The following ROBO1 variants were observed in gnomAD, a reference collection of about 807,000 sequenced individuals.
The protein encoded by ROBO1 is roundabout homolog 1.
A neutral mutation model predicts 195.9 loss-of-function variants in ROBO1; 149 were observed. The ratio of observed to expected loss-of-function variants is 0.76; its 90% CI spans 0.67 to 0.87. ROBO1 has a LOEUF of 0.87. ROBO1 is among the 40% of genes least tolerant of loss of function. ROBO1 has a pLI of 0.00. For missense variants in ROBO1, 1,933 were observed against 2,068.3 expected (o/e 0.93, Z 1.27); for synonymous variants, 816 against 733.2 (o/e 1.11, Z -1.82).
chr3:78,900,662 G>A lies in ROBO1; in HGVS notation c.499+37939C>T, dbSNP rs118012347. 5.1e-4 allele frequency among the ~76,000 whole-genome samples: 77 copies of A among 151,920 alleles called. No homozygotes were observed. The East Asian group carries it at 0.012, about 24-fold the overall frequency. ...ATACTTGCTTAATGAGTGTATATGC[G>A]CTAATGCTCAACTGTGCAGATGTTC... On this transcript the variant is annotated intron_variant, in intron 4 of 30. Transcript: ENST00000464233.
chr3:78,653,758 G>T (rs899330296), intron 18 of ROBO1, among the ~76,000 whole-genome samples: 2 of 152,174 alleles, frequency 1.3e-5, no homozygotes, highest in African/African-American at 4.8e-5. Flanking sequence ...GCTGGACGCA[G>T]GTCAGATAAG....
At chr3:79,085,307 A>C (rs1238141804) in intron 3 of ROBO1, among the ~76,000 whole-genome samples, 1 of 152,146 alleles carries the variant, frequency 6.6e-6, no homozygotes, top group Non-Finnish European at 1.5e-5. Flanking sequence ...TGTTTAAGGC[A>C]TTTGCCCTGA....
chr3:78,629,945 T>G (rs1221506371), intron 25 of ROBO1, among the ~76,000 whole-genome samples: 1 of 152,160 alleles, frequency 6.6e-6, no homozygotes, highest in African/African-American at 2.4e-5. Context: ...TTTAGTGCCA[T>G]GTTTGTCGAA....
chr3:79,745,892 GA>G (rs1453674507), intron 1 of ROBO1, among the ~76,000 whole-genome samples: 2 of 151,690 alleles, frequency 1.3e-5, no homozygotes, highest in Non-Finnish European at 2.9e-5. Flanking sequence ...TCTTAATTAT[GA>G]ACCCCTGCTT....
At chr3:78,985,397 T>A (rs746669063) in intron 3 of ROBO1, among the ~76,000 whole-genome samples, 2 of 152,182 alleles carry the variant, frequency 1.3e-5, no homozygotes, top group African/African-American at 2.4e-5. Flanking sequence ...ATTCACTGTT[T>A]ATGTTATTGG....
At chr3:78,798,839 T>C (rs949430686) in intron 4 of ROBO1, among the ~76,000 whole-genome samples, 6 of 152,178 alleles carry the variant, frequency 3.9e-5, no homozygotes, top group African/African-American at 1.2e-4. Context: ...AAGCTATTCA[T>C]GGGAATTTAT....
intron 3 of ROBO1, among the ~76,000 whole-genome samples, chr3:78,941,760 G>T (rs2040157997): frequency 6.6e-6 from 1 of 152,122 alleles, no homozygotes; most frequent in African/African-American, 2.4e-5. Context: ...CTGAGTATAA[G>T]GTGCATTTCA....
intron 2 of ROBO1, among the ~76,000 whole-genome samples, chr3:79,545,709 C>A (rs941125496): frequency 6.6e-6 from 1 of 151,420 alleles, no homozygotes; most frequent in Non-Finnish European, 1.5e-5. Context: ...TAGGTTTTTT[C>A]TTTATTTTAG....
At chr3:79,149,776 G>C (rs1485653662) in intron 2 of ROBO1, among the ~76,000 whole-genome samples, 2 of 151,596 alleles carry the variant, frequency 1.3e-5, no homozygotes, top group African/African-American at 4.8e-5. Flanking sequence ...GGGCCAGAAG[G>C]GTCTGAAGTT....
At chr3:79,176,531 C>T (rs2081264347) in intron 2 of ROBO1, among the ~76,000 whole-genome samples, 1 of 152,314 alleles carries the variant, frequency 6.6e-6, no homozygotes, top group Middle Eastern at 3.4e-3. Context: ...GATCTCAGCT[C>T]ACTGCAGCCT....
intron 5 of ROBO1, among the ~76,000 whole-genome samples, chr3:78,745,505 A>G (rs1331813782): frequency 2.0e-5 from 3 of 152,138 alleles, no homozygotes; most frequent in African/African-American, 7.2e-5. Flanking sequence ...TCTTACCTTC[A>G]TTGTACATGA....
At chr3:78,650,331 G>T (rs1706567661) in intron 19 of ROBO1, among the ~76,000 whole-genome samples, 1 of 152,010 alleles carries the variant, frequency 6.6e-6, no homozygotes, top group South Asian at 2.1e-4. Context: ...CCCTAGAGAG[G>T]ACACATATCT....
In ROBO1 at chr3:79,505,460, C is replaced by T. The variant is rs553434634; in HGVS notation, c.88+84364G>A. Among the ~76,000 whole-genome samples the T allele has an allele frequency of 1.3e-4, 20 of 152,218 alleles. No individual in the cohort carries two copies. The East Asian group carries it at 2.7e-3, about 21-fold the overall frequency. ...GTCATGCTGTCAGAGTTCAGGAAAGCAAGGTATATGTTCTCCAAAGCTCAG... is the reference window on the plus strand; with the variant it reads ...GTCATGCTGTCAGAGTTCAGGAAAGTAAGGTATATGTTCTCCAAAGCTCAG... On this transcript the variant is annotated intron_variant, in intron 2 of 30. Coordinates refer to ENST00000464233, the MANE Select transcript of ROBO1 (RefSeq NM_002941.4).
At chr3:79,529,438 C>G (rs1941561273) in intron 2 of ROBO1, among the ~76,000 whole-genome samples, 1 of 152,208 alleles carries the variant, frequency 6.6e-6, no homozygotes, top group Non-Finnish European at 1.5e-5. Flanking sequence ...GATCGTGCCA[C>G]TGCACTCCAG....
intron 14 of ROBO1, among the ~76,000 whole-genome samples, chr3:78,663,909 G>A (rs1707582564): frequency 6.6e-6 from 1 of 152,080 alleles, no homozygotes; most frequent in Non-Finnish European, 1.5e-5. Context: ...CTTTCAGAAA[G>A]TATCTTCAAA....
chr3:79,176,658 A>T (rs543853864), intron 2 of ROBO1, among the ~76,000 whole-genome samples: 1 of 152,118 alleles, frequency 6.6e-6, no homozygotes, highest in Non-Finnish European at 1.5e-5. Context: ...AAATTTCACC[A>T]TTTTAGCCAG....
chr3:79,244,635 T>TA (rs2082589075), intron 2 of ROBO1, among the ~76,000 whole-genome samples: 1 of 152,044 alleles, frequency 6.6e-6, no homozygotes, highest in Non-Finnish European at 1.5e-5. Context: ...CACCTGTGGT[T>TA]AAAGTAGATA....
rs1705168935 is a variant in ROBO1, at chr3:78,631,265, T to C, written c.3522A>G (p.Val1174=). The C allele has an allele frequency of 6.2e-7, 1 of 1,613,552 alleles. No individual in the cohort carries two copies. Among genetic ancestry groups the C allele is most frequent in the African/African-American group, 1.3e-5 (1 of 75,040 alleles). ...GHKKGARTPK[V]PKQGGMNWAD... Reference sequence around the variant, plus strand: ...CCCAGTTCATGCCACCCTGTTTTGGTACCTTGGGTGTTCTTGCCCCTTTCT... The same window carrying C: ...CCCAGTTCATGCCACCCTGTTTTGGCACCTTGGGTGTTCTTGCCCCTTTCT... The change falls in exon 25 of 31, where the codon GTA becomes GTG. Residue 1174 remains valine (V), a synonymous_variant. Transcript: ENST00000464233.
intron 3 of ROBO1, among the ~76,000 whole-genome samples, chr3:79,052,137 G>T (rs1288383371): frequency 6.6e-6 from 1 of 152,062 alleles, no homozygotes; most frequent in Non-Finnish European, 1.5e-5. Flanking sequence ...GCGAATAGAA[G>T]AAATATCACT....
Sources: allele counts gnomAD v4.1 joint callset (sites outside exome capture counted in the v4.1 genomes callset), GRCh38; gene constraint gnomAD v4.1.1; transcripts MANE v1.5; gene names NCBI Gene and HGNC (gene_info 2026-07-23, HGNC 2026-07-21).